The following NOL4 variants were observed in gnomAD, a reference collection of about 807,000 sequenced individuals.
The protein encoded by NOL4 is cancer/testis antigen 125.
In NOL4, 17 loss-of-function variants were observed where a neutral mutation model predicts 75.9. The ratio of observed to expected loss-of-function variants is 0.22; its 90% CI spans 0.15 to 0.34. The LOEUF (loss-of-function observed/expected upper bound fraction) is 0.34. Among genes scored for constraint, NOL4 ranks in the 10% least tolerant of loss-of-function variants. The pLI is 1.00. For synonymous variants in NOL4, 292 were observed against 289.9 expected, an observed-to-expected ratio of 1.01 and a Z score of -0.07; for missense variants, 614 against 793.5, an observed-to-expected ratio of 0.77 and a Z score of 2.72.
At chr18:34,139,704 T>G (rs928059286) in intron 1 of NOL4, among the ~76,000 whole-genome samples, 1 of 152,204 alleles carries the variant, frequency 6.6e-6, no homozygotes, top group Non-Finnish European at 1.5e-5. Context: ...TCTTAGTTAT[T>G]TGTTGCCTTC....
chr18:34,058,098 G>A (rs930650971), intron 5 of NOL4, among the ~76,000 whole-genome samples: 2 of 151,940 alleles, frequency 1.3e-5, no homozygotes, highest in African/African-American at 4.8e-5. Flanking sequence ...CACATCTCCA[G>A]GTCTATATTG....
chr18:33,927,957 T>C (rs186757722), intron 9 of NOL4, among the ~76,000 whole-genome samples: 1 of 152,240 alleles, frequency 6.6e-6, no homozygotes, highest in African/African-American at 2.4e-5. Context: ...CATAATGAAT[T>C]TGTGACTCTA....
intron 9 of NOL4, among the ~76,000 whole-genome samples, chr18:33,883,947 C>G (rs1040848540): frequency 6.6e-6 from 1 of 151,934 alleles, no homozygotes; most frequent in African/African-American, 2.4e-5. Context: ...GTTTTCAGCA[C>G]TTGGGGAGGA....
chr18:34,162,993 G>A (rs898828881), intron 1 of NOL4, among the ~76,000 whole-genome samples: 53 of 152,044 alleles, frequency 3.5e-4, no homozygotes, highest in African/African-American at 2.2e-4. Context: ...CTAAAATCAC[G>A]TGATTATCTC....
intron 9 of NOL4, among the ~76,000 whole-genome samples, chr18:33,923,306 T>A (rs1179458110): frequency 1.3e-5 from 2 of 152,010 alleles, no homozygotes; most frequent in African/African-American, 4.8e-5. Context: ...ATCATACATA[T>A]TATTAAAACT....
intron 5 of NOL4, among the ~76,000 whole-genome samples, chr18:34,020,608 C>A (rs1357142048): frequency 6.6e-6 from 1 of 152,032 alleles, no homozygotes; most frequent in Non-Finnish European, 1.5e-5. Context: ...TAAATTACCA[C>A]AAATAGATTA....
In NOL4 at chr18:34,116,208, C is replaced by T. The variant is rs145226351; in HGVS notation, c.415-11048G>A. 9.2e-4 allele frequency among the ~76,000 whole-genome samples: 140 copies of T among 152,108 alleles called. 3 individuals carry two copies. The East Asian group carries it at 0.022, about 24-fold the overall frequency. ...GCAATAACAGCACAACATTAGTGAT[C>T]CAGTGACAAACTTATCCACCTGCAG... On this transcript the variant is annotated intron_variant, in intron 2 of 10. Transcript: ENST00000261592.
At chr18:34,089,628 T>C (rs2078411377) in intron 5 of NOL4, among the ~76,000 whole-genome samples, 1 of 152,262 alleles carries the variant, frequency 6.6e-6, no homozygotes, top group African/African-American at 2.4e-5. Context: ...TATTCTGAGA[T>C]TGCAGAAAGA....
At chr18:34,196,418 C>T (rs2035334298) in intron 1 of NOL4, among the ~76,000 whole-genome samples, 1 of 152,080 alleles carries the variant, frequency 6.6e-6, no homozygotes. Context: ...ACAGTCTTCT[C>T]AACTGTGCAG....
intron 4 of NOL4, among the ~76,000 whole-genome samples, 169 bp downstream of exon 4, chr18:34,103,878 G>A (rs1237912053): frequency 1.3e-5 from 2 of 151,952 alleles, no homozygotes; most frequent in Non-Finnish European, 2.9e-5. Flanking sequence ...TCTGTATTGT[G>A]GACTAGGAGT....
chr18:33,852,815 C>A lies in NOL4; in HGVS notation c.*27G>T, dbSNP rs192786498. ...CATTAGTGGAAACTGCAAATTTAGA[C>A]CTCAGTGAATATGGTGGTCGTCTGT... On this transcript the variant is annotated 3_prime_UTR_variant, in exon 11 of 11. Transcript: ENST00000261592. 2.5e-6 allele frequency: 4 copies of A among 1,590,340 alleles called. No individual in the cohort carries two copies. Among genetic ancestry groups the A allele is most frequent in the African/African-American group, 1.3e-5 (1 of 74,296 alleles).
chr18:33,911,846 A>G (rs1393618338), intron 9 of NOL4, among the ~76,000 whole-genome samples: 2 of 152,030 alleles, frequency 1.3e-5, no homozygotes, highest in South Asian at 4.1e-4. Flanking sequence ...TGAATAATTT[A>G]ATTTATTCTG....
chr18:34,124,716 C>T (rs571599405), intron 2 of NOL4, among the ~76,000 whole-genome samples: 1 of 152,124 alleles, frequency 6.6e-6, no homozygotes, highest in East Asian at 1.9e-4. Context: ...ACCAGCCTGA[C>T]CAACATGGTG....
At chr18:34,017,666 T>G (rs2074781907) in intron 6 of NOL4, among the ~76,000 whole-genome samples, 1 of 152,182 alleles carries the variant, frequency 6.6e-6, no homozygotes, top group Non-Finnish European at 1.5e-5. Context: ...TCTCACAAAT[T>G]TAACTATTTT....
At chr18:33,967,262 C>G (rs1355904814) in intron 6 of NOL4, among the ~76,000 whole-genome samples, 1 of 152,148 alleles carries the variant, frequency 6.6e-6, no homozygotes, top group African/African-American at 2.4e-5. Context: ...GCTGGGATAA[C>G]TGGCTACCCA....
chr18:34,113,708 C>T (rs1412148233), intron 2 of NOL4, among the ~76,000 whole-genome samples: 1 of 152,020 alleles, frequency 6.6e-6, no homozygotes, highest in African/African-American at 2.4e-5. Context: ...TGAATAATTA[C>T]ATTTCATAAT....
intron 9 of NOL4, among the ~76,000 whole-genome samples, chr18:33,898,692 T>C (rs1301943848): frequency 6.6e-6 from 1 of 152,210 alleles, no homozygotes; most frequent in Non-Finnish European, 1.5e-5. Flanking sequence ...ATTATTGTGA[T>C]AACATACCAA....
At chr18:33,865,374 T>G (rs1465599548) in intron 10 of NOL4, among the ~76,000 whole-genome samples, 1 of 152,158 alleles carries the variant, frequency 6.6e-6, no homozygotes, top group African/African-American at 2.4e-5. Context: ...TACTGTATGT[T>G]TTCATTTGTA....
intron 9 of NOL4, among the ~76,000 whole-genome samples, chr18:33,925,527 T>C (rs964568523): frequency 1.1e-4 from 17 of 152,180 alleles, no homozygotes; most frequent in African/African-American, 3.6e-4. Context: ...ATTTGCTTGA[T>C]AGGCAATAAT....
Sources: allele counts gnomAD v4.1 joint callset (sites outside exome capture counted in the v4.1 genomes callset), GRCh38; gene constraint gnomAD v4.1.1; transcripts MANE v1.5; gene names NCBI Gene and HGNC (gene_info 2026-07-23, HGNC 2026-07-21).